Variants in RAB3GAP1 observed in about 807,000 individuals in gnomAD.
RAB3GAP1 encodes the protein rab3 GTPase-activating protein catalytic subunit.
In RAB3GAP1, 86 loss-of-function variants were observed where a neutral mutation model predicts 130.7. That is an observed-to-expected ratio of 0.66 (90% confidence interval 0.55 to 0.79). RAB3GAP1 has a LOEUF of 0.79. RAB3GAP1 is among the 30% of genes least tolerant of loss of function. The pLI is 0.00. For synonymous variants in RAB3GAP1, 367 were observed against 401.7 expected (o/e 0.91, Z 1.03); for missense variants, 1,029 against 1,169.4 (o/e 0.88, Z 1.75).
chr2:135,081,330 ATATATAT>A (rs1689802853), intron 3 of RAB3GAP1, among the ~76,000 whole-genome samples: 21 of 75,468 alleles, frequency 2.8e-4, no homozygotes, highest in African/African-American at 8.9e-4. Flanking sequence ...AAAAAAAAAT[ATATATAT>A]ATATATATAT....
Position 135,132,946 on chromosome 2 carries a change from A to G in RAB3GAP1, c.1288A>G (p.Thr430Ala), listed in dbSNP as rs758870641. ...GAAACCATTAGATGGAACTACTTCA[A>G]CAGATAATAATAATCCTCCATCAGA... The part of the protein sequence containing the change: ...SEKPLDGTTS[T>A]DNNNPPSESE... Residue 430 changes from threonine to alanine, a missense_variant, in exon 14 of 24, where the codon ACA (threonine) becomes GCA (alanine). Physicochemically the swap from Thr to Ala is moderately conservative, Grantham distance 58. Coordinates refer to ENST00000264158, the MANE Select transcript of RAB3GAP1 (RefSeq NM_012233.3). 14 of 1,583,092 alleles carry G rather than the reference A, an allele frequency of 8.8e-6. No individual in the cohort carries two copies. In the African/African-American group the frequency reaches 1.9e-4, roughly 21 times the overall value.
intron 5 of RAB3GAP1, among the ~76,000 whole-genome samples, chr2:135,096,498 A>G (rs56128827): frequency 0.045 from 6,907 of 152,022 alleles, 534 homozygotes; most frequent in African/African-American, 0.16. Flanking sequence ...AAATGTAATA[A>G]TTATATCTAT....
chr2:135,072,181 G>A (rs1388368771), intron 3 of RAB3GAP1, among the ~76,000 whole-genome samples: 2 of 152,148 alleles, frequency 1.3e-5, no homozygotes, highest in Non-Finnish European at 2.9e-5. Flanking sequence ...AAAGTGCTGG[G>A]ATTATAGGCA....
At chr2:135,128,230 G>A (rs970965543) in intron 11 of RAB3GAP1, among the ~76,000 whole-genome samples, 3 of 152,158 alleles carry the variant, frequency 2.0e-5, no homozygotes, top group African/African-American at 7.2e-5. Context: ...TAGGGTGTTA[G>A]GGCAACAGTA....
chr2:135,083,758 C>T lies in RAB3GAP1; in HGVS notation c.151-7240C>T, dbSNP rs112101618. 3.9e-3 allele frequency among the ~76,000 whole-genome samples: 572 copies of T among 145,678 alleles called. 6 individuals carry two copies. The highest frequency in any genetic ancestry group is 0.013 in the African/African-American group (523 of 39,234). On this transcript the variant is annotated intron_variant, in intron 3 of 23. Coordinates refer to ENST00000264158, the MANE Select transcript of RAB3GAP1 (RefSeq NM_012233.3). ...GGGATTATAGGCGTCAGCCACTGTA[C>T]CCAACACGGTTTTTTTTTTTTTTTT...
intron 3 of RAB3GAP1, among the ~76,000 whole-genome samples, chr2:135,075,922 T>C (rs536313922): frequency 4.4e-4 from 66 of 150,760 alleles, no homozygotes; most frequent in Admixed American, 1.1e-3. Context: ...TTTTTTTTTT[T>C]TTTTTTTGAG....
In RAB3GAP1 at chr2:135,113,114, G is replaced by T. The variant is rs750956268; in HGVS notation, c.363-37G>T. 9 of 1,613,672 alleles carry T rather than the reference G, an allele frequency of 5.6e-6. No homozygotes were observed. The Admixed American group carries it at 1.5e-4, about 27-fold the overall frequency. On this transcript the variant is annotated intron_variant, in intron 5 of 23. Transcript: ENST00000264158. ...AAGTAATGGATTTTTGTGTTCTGAG[G>T]TTTCCCCTGTTTAATGCAGTTAATT... is the stretch of plus-strand genomic sequence containing the variant.
At chr2:135,077,006 A>G (rs1689649657) in intron 3 of RAB3GAP1, among the ~76,000 whole-genome samples, 1 of 152,272 alleles carries the variant, frequency 6.6e-6, no homozygotes, top group South Asian at 2.1e-4. Context: ...ACAGTGGCTC[A>G]TGCCTGTAAT....
intron 17 of RAB3GAP1, among the ~76,000 whole-genome samples, chr2:135,148,511 T>TG (rs987141919): frequency 7.3e-6 from 1 of 137,556 alleles, no homozygotes; most frequent in African/African-American, 3.1e-5. Context: ...TTTTTTTTTT[T>TG]TGGTGACGGG....
intron 2 of RAB3GAP1, among the ~76,000 whole-genome samples, chr2:135,053,187 G>C (rs1349896914): frequency 1.3e-5 from 2 of 152,198 alleles, no homozygotes; most frequent in African/African-American, 4.8e-5. Context: ...GTGTTGCCCA[G>C]GCTAGTCTTG....
Position 135,124,174 on chromosome 2 carries a change from C to A in RAB3GAP1, c.758C>A (p.Ala253Asp). ...TATTTCTTTTGTTTAGACATAGATG[C>A]CCTTGTAGGAGGAGAAGTTGGAGGC... is the stretch of plus-strand genomic sequence containing the variant. ...FWPQQPPDID[A>D]LVGGEVGGLE... The change falls in exon 9 of 24, where the codon GCC becomes GAC. Residue 253 changes from alanine to aspartate, a missense_variant. Coordinates refer to ENST00000264158, the MANE Select transcript of RAB3GAP1 (RefSeq NM_012233.3). 6.2e-7 allele frequency: 1 copy of A among 1,613,836 alleles called. No individual in the cohort carries two copies. The highest frequency in any genetic ancestry group is 8.5e-7 in the Non-Finnish European group (1 of 1,179,806).
chr2:135,117,970 G>T (rs907649392), intron 7 of RAB3GAP1, among the ~76,000 whole-genome samples: 4 of 151,540 alleles, frequency 2.6e-5, no homozygotes, highest in Non-Finnish European at 5.9e-5. Flanking sequence ...CTCCCACCTC[G>T]GCCTCCTGAA....
intron 18 of RAB3GAP1, among the ~76,000 whole-genome samples, chr2:135,150,932 G>A (rs1692156312): frequency 6.6e-6 from 1 of 152,114 alleles, no homozygotes; most frequent in Non-Finnish European, 1.5e-5. Context: ...AGTTGATTGA[G>A]GTTGTGGGAG....
intron 23 of RAB3GAP1, among the ~76,000 whole-genome samples, chr2:135,164,964 A>G (rs560630538): frequency 2.0e-5 from 3 of 152,330 alleles, no homozygotes; most frequent in African/African-American, 7.2e-5. Context: ...AGAAGCTGGC[A>G]GGGAGTCAGT....
intron 5 of RAB3GAP1, among the ~76,000 whole-genome samples, chr2:135,101,587 A>G (rs76628122): frequency 0.011 from 1,681 of 152,248 alleles, 19 homozygotes; most frequent in Middle Eastern, 0.037. Flanking sequence ...CTATTTTAAG[A>G]TCTTCTCGTT....
At chr2:135,145,433 T>G (rs1170277934) in intron 17 of RAB3GAP1, among the ~76,000 whole-genome samples, 1 of 151,578 alleles carries the variant, frequency 6.6e-6, no homozygotes, top group Non-Finnish European at 1.5e-5. Context: ...CTTCTTAACC[T>G]CTAGTAATTA....
At chr2:135,087,819 G>T (rs1390624554) in intron 3 of RAB3GAP1, among the ~76,000 whole-genome samples, 1 of 152,100 alleles carries the variant, frequency 6.6e-6, no homozygotes, top group Non-Finnish European at 1.5e-5. Context: ...AATAGGGACA[G>T]TTTTCTTTTA....
intron 3 of RAB3GAP1, among the ~76,000 whole-genome samples, chr2:135,080,116 C>CAAAAAA (rs764426198): frequency 1.8e-4 from 13 of 73,296 alleles, no homozygotes; most frequent in African/African-American, 2.9e-4. Flanking sequence ...GACTCCGTCT[C>CAAAAAA]AAAAAAAAAA....
chr2:135,162,074 T>G (rs2104996708), intron 19 of RAB3GAP1, among the ~76,000 whole-genome samples: 1 of 152,182 alleles, frequency 6.6e-6, no homozygotes, highest in East Asian at 1.9e-4. Context: ...TGTATTCTTA[T>G]AATAAGAATT....
Sources: allele counts gnomAD v4.1 joint callset (sites outside exome capture counted in the v4.1 genomes callset), GRCh38; gene constraint gnomAD v4.1.1; transcripts MANE v1.5; gene names NCBI Gene and HGNC (gene_info 2026-07-23, HGNC 2026-07-21).